The following B4GALNT3 variants were observed in gnomAD, a reference collection of about 807,000 sequenced individuals.
B4GALNT3 encodes the protein beta-1,4-N-acetyl-galactosaminyltransferase 3.
B4GALNT3 carries 86 observed loss-of-function variants against 120.2 expected under a neutral mutation model. That is an observed-to-expected ratio of 0.72 (90% CI 0.60 to 0.86). The LOEUF (loss-of-function observed/expected upper bound fraction) is 0.86. Among genes scored for constraint, B4GALNT3 ranks in the 40% least tolerant of loss-of-function variants. The pLI, the probability that B4GALNT3 is intolerant of heterozygous loss-of-function variation, is 0.00. For synonymous variants in B4GALNT3, 518 were observed against 510.4 expected (o/e 1.01, Z -0.20); for missense variants, 1,167 against 1,298.9 (o/e 0.90, Z 1.56).
At chr12:501,341 A>G (rs1946442629) in intron 1 of B4GALNT3, among the ~76,000 whole-genome samples, 1 of 152,212 alleles carries the variant, frequency 6.6e-6, no homozygotes, top group Admixed American at 6.5e-5. Flanking sequence ...AACTGAGATA[A>G]GGCTACTGTT....
At chr12:554,448 T>C (rs1415035181) in intron 14 of B4GALNT3, among the ~76,000 whole-genome samples, 1 of 152,250 alleles carries the variant, frequency 6.6e-6, no homozygotes, top group African/African-American at 2.4e-5. Flanking sequence ...ATAAAATTTA[T>C]ATAACATTAA....
At chr12:546,138 C>A (rs1947003135) in intron 6 of B4GALNT3, among the ~76,000 whole-genome samples, 1 of 126,902 alleles carries the variant, frequency 7.9e-6, no homozygotes, top group Non-Finnish European at 1.7e-5. Context: ...GGGAAGGAGT[C>A]GGGAAGAGGG....
At chr12:517,707 T>C (rs1433715504) in intron 1 of B4GALNT3, among the ~76,000 whole-genome samples, 1 of 152,176 alleles carries the variant, frequency 6.6e-6, no homozygotes, top group African/African-American at 2.4e-5. Flanking sequence ...TGCTCAGTTA[T>C]GTACTTGTCA....
At chr12:480,207 G>A (rs867118519) in intron 1 of B4GALNT3, among the ~76,000 whole-genome samples, 58 of 141,784 alleles carry the variant, frequency 4.1e-4, no homozygotes, top group African/African-American at 1.2e-3. Context: ...GAGCCACCGC[G>A]CCCGGCCAGG....
At chr12:501,247 TA>T (rs1405889716) in intron 1 of B4GALNT3, among the ~76,000 whole-genome samples, 1 of 152,164 alleles carries the variant, frequency 6.6e-6, no homozygotes, top group East Asian at 1.9e-4. Context: ...CCTTCTTCCA[TA>T]AAAGAGGGTC....
chr12:522,925 A>G (rs1380608054), intron 1 of B4GALNT3, among the ~76,000 whole-genome samples: 2 of 138,298 alleles, frequency 1.4e-5, no homozygotes, highest in Non-Finnish European at 3.1e-5. Flanking sequence ...GCTGGGTGAC[A>G]GAGGGAGACT....
chr12:557,888 C>G lies in B4GALNT3; in HGVS notation c.2534+127C>G. ...CTGATTCCTAGTCTCCAACTTTTCC[C>G]AGAGGGCTCACCTGCCCATAATCCC... On this transcript the variant is annotated intron_variant, in intron 16 of 19. Transcript: ENST00000266383. The G allele has an allele frequency of 2.1e-6, 3 of 1,461,640 alleles. No individual in the cohort carries two copies. In the South Asian group the frequency reaches 3.7e-5, roughly 18 times the overall value. The allele number at this position is 1,461,640 out of a possible 1,614,324, so 90.5% of individuals were successfully genotyped here.
rs1386202768 is a variant in B4GALNT3 at position 548,270 on chromosome 12, G to C, written c.826G>C (p.Asp276His). ...CCCTGGAGCCAAGTTCACCATCATT[G>C]ACTCCCTCTCCCTGTCCCTCTTCAC... Reference protein sequence around the residue: ...NDPGAKFTIIDSLSLSLFTNE... With the variant: ...NDPGAKFTIIHSLSLSLFTNE... The change falls in exon 9 of 20, where the codon GAC becomes CAC. Residue 276 changes from aspartate (D) to histidine (H), a missense_variant. Around this residue, in one of 3 missense-constraint regions of B4GALNT3, gnomAD observed 983 missense variants for 1,102.5 expected, o/e 0.89. Transcript: ENST00000266383. This position sits in a 1 kb window ranked among gnomAD's most constrained non-coding sequence, Gnocchi z 4.9. The C allele has an allele frequency of 6.2e-7, 1 of 1,614,094 alleles. No individual in the cohort carries two copies. Among genetic ancestry groups the C allele is most frequent in the Admixed American group, 1.7e-5 (1 of 60,006 alleles).
At chr12:531,208 A>T (rs1319168220) in intron 1 of B4GALNT3, among the ~76,000 whole-genome samples, 1 of 149,040 alleles carries the variant, frequency 6.7e-6, no homozygotes, top group Admixed American at 6.7e-5. Flanking sequence ...AGCGCCTGAC[A>T]CCTGAGACGC....
In B4GALNT3 at chr12:486,083, C is replaced by T. The variant is rs529348684; in HGVS notation, c.169+25538C>T. The stretch of plus-strand genomic sequence containing the variant: ...AAATTCCAGGGGACTCAGTCCCAAG[C>T]TTGTGTGAGTTTTACCTCTAGGAGC... On this transcript the variant is annotated intron_variant, in intron 1 of 19. Coordinates refer to ENST00000266383, the MANE Select transcript of B4GALNT3 (RefSeq NM_173593.4). 6.6e-4 allele frequency among the ~76,000 whole-genome samples: 100 copies of T among 152,112 alleles called. 2 individuals carry two copies. The South Asian group carries it at 0.021, about 31-fold the overall frequency.
chr12:491,838 G>A (rs1008069140), intron 1 of B4GALNT3, among the ~76,000 whole-genome samples: 2 of 151,942 alleles, frequency 1.3e-5, no homozygotes, highest in East Asian at 2.0e-4. Context: ...GGCAGATCAC[G>A]AGGTCAGGAG....
intron 1 of B4GALNT3, among the ~76,000 whole-genome samples, chr12:525,485 C>T (rs1295662448): frequency 5.3e-5 from 8 of 152,202 alleles, no homozygotes; most frequent in Admixed American, 3.9e-4. Flanking sequence ...GCTCTCTTTT[C>T]TCCTTTCCAA....
At chr12:545,842 G>A (rs1235851471) in intron 6 of B4GALNT3, among the ~76,000 whole-genome samples, 1 of 67,922 alleles carries the variant, frequency 1.5e-5, no homozygotes, top group Non-Finnish European at 2.8e-5. Flanking sequence ...GAGGTGAGGA[G>A]TGGGGAGGAG....
At position 549,704 on chromosome 12, in the gene B4GALNT3, A is replaced by G. The variant is rs184615587; in HGVS notation, c.854-65A>G. ...CTTCTGCGTCTCTTCCCTCCCCTTCAAGGGCAGTGGGCTGCTGCGCTCCAG... is the reference window on the plus strand; with the variant it reads ...CTTCTGCGTCTCTTCCCTCCCCTTCGAGGGCAGTGGGCTGCTGCGCTCCAG... On this transcript the variant is annotated intron_variant, in intron 9 of 19. Coordinates refer to ENST00000266383, the MANE Select transcript of B4GALNT3 (RefSeq NM_173593.4). 6,264 of 1,597,514 alleles carry G rather than the reference A, an allele frequency of 3.9e-3. 22 individuals carry two copies. The highest frequency in any genetic ancestry group is 4.6e-3 in the Non-Finnish European group (5,350 of 1,166,382).
In B4GALNT3 at chr12:517,461, G is replaced by A. The variant is rs563793776; in HGVS notation, c.170-17705G>A. On this transcript the variant is annotated intron_variant, in intron 1 of 19. Transcript: ENST00000266383. Reference sequence around the variant, plus strand: ...AACAAAGCTTCTGGGTTCCAGTCAGGGACCCAAGACAGGTGTCTTGTGGGA... The same window carrying A: ...AACAAAGCTTCTGGGTTCCAGTCAGAGACCCAAGACAGGTGTCTTGTGGGA... Among the ~76,000 whole-genome samples, 48 of 152,262 alleles carry A rather than the reference G, an allele frequency of 3.2e-4. 1 individual carries two copies. The South Asian group carries it at 9.3e-3, about 30-fold the overall frequency.
intron 1 of B4GALNT3, among the ~76,000 whole-genome samples, chr12:526,872 C>G (rs1946763408): frequency 6.6e-6 from 1 of 152,134 alleles, no homozygotes; most frequent in South Asian, 2.1e-4. Flanking sequence ...CGTCTGCCCC[C>G]TCTTCTTACC....
intron 3 of B4GALNT3, among the ~76,000 whole-genome samples, chr12:538,560 C>CAAAAAA (rs771053015): frequency 2.8e-4 from 18 of 64,024 alleles, no homozygotes; most frequent in Non-Finnish European, 2.7e-4. Flanking sequence ...AACCCCATCT[C>CAAAAAA]AAAAAAAAAA....
chr12:506,926 G>T (rs745374471), intron 1 of B4GALNT3, among the ~76,000 whole-genome samples: 1 of 152,204 alleles, frequency 6.6e-6, no homozygotes, highest in Non-Finnish European at 1.5e-5. Context: ...GTGAGCCACC[G>T]TGCCCGGCCA....
At chr12:485,845 G>A (rs983563780) in intron 1 of B4GALNT3, among the ~76,000 whole-genome samples, 1 of 152,116 alleles carries the variant, frequency 6.6e-6, no homozygotes, top group African/African-American at 2.4e-5. Context: ...CTGGGAAATC[G>A]ACAATTCTTA....
Sources: gnomAD v4.1 joint callset for allele counts (sites outside exome capture counted in the v4.1 genomes callset) on GRCh38, gnomAD v4.1.1 for gene constraint, gnomAD v4.1.1 regional missense constraint, Gnocchi (gnomAD v3.1) non-coding constraint, MANE v1.5 for transcripts, NCBI Gene and HGNC (gene_info 2026-07-23, HGNC 2026-07-21) for gene names.